The following CPT1A variants were observed in gnomAD, a reference collection of about 807,000 sequenced individuals.
The protein encoded by CPT1A is carnitine O-palmitoyltransferase 1, liver isoform.
A neutral mutation model predicts 100.8 loss-of-function variants in CPT1A; 64 were observed. That is an observed-to-expected ratio of 0.63 (90% CI 0.52 to 0.78). The LOEUF (loss-of-function observed/expected upper bound fraction) is 0.78. CPT1A is among the 30% of genes least tolerant of loss of function. The probability of loss-of-function intolerance (pLI) is 0.00; values close to 1 mark genes in which losing one functional copy is unlikely to be tolerated. For synonymous variants in CPT1A, 363 were observed against 396.0 expected, an observed-to-expected ratio of 0.92 and a Z score of 0.99; for missense variants, 802 against 1,034.1, an observed-to-expected ratio of 0.78 and a Z score of 3.08.
At chr11:68,795,381 G>A (rs1855728707) in intron 7 of CPT1A, among the ~76,000 whole-genome samples, 1 of 152,230 alleles carries the variant, frequency 6.6e-6, no homozygotes, top group Admixed American at 6.5e-5. Context: ...CATTTTGGAA[G>A]AGTCTATGTA....
chr11:68,781,704 A>G, intron 11 of CPT1A, 67 bp downstream of exon 11: 1 of 1,334,028 alleles, frequency 7.5e-7, no homozygotes. Flanking sequence ...GGTGAGTGTC[A>G]GGCACACAGG....
intron 14 of CPT1A, among the ~76,000 whole-genome samples, chr11:68,763,634 G>A (rs1594318643): frequency 6.6e-6 from 1 of 152,262 alleles, no homozygotes; most frequent in East Asian, 1.9e-4. Flanking sequence ...TCTTCCAAAA[G>A]CTCCTGTTTT....
At chr11:68,759,121 C>T (rs757378799) in intron 18 of CPT1A, among the ~76,000 whole-genome samples, 2 of 151,582 alleles carry the variant, frequency 1.3e-5, no homozygotes, top group East Asian at 1.9e-4. Flanking sequence ...AGGCCAGGCG[C>T]GGTGGCTCAT....
intron 2 of CPT1A, among the ~76,000 whole-genome samples, chr11:68,813,396 G>T (rs1856274780): frequency 3.3e-5 from 5 of 151,922 alleles, no homozygotes. Context: ...GCCAGGTGTG[G>T]TGGTGGGCGC....
In CPT1A at chr11:68,834,924, G is replaced by A. The variant is rs147759388; in HGVS notation, c.-14+6851C>T. ...TGAGGCAGGAGAATTGCTTGAACTGGGGAGGCGGAGGTTGCAGTGAGCCAT... is the reference window on the plus strand; with the variant it reads ...TGAGGCAGGAGAATTGCTTGAACTGAGGAGGCGGAGGTTGCAGTGAGCCAT... On this transcript the variant is annotated intron_variant, in intron 1 of 18. Transcript: ENST00000265641. Among the ~76,000 whole-genome samples the A allele has an allele frequency of 8.0e-3, 1,220 of 151,780 alleles. 16 individuals carry two copies. Among genetic ancestry groups the A allele is most frequent in the African/African-American group, 0.028 (1,156 of 41,358 alleles).
intron 7 of CPT1A, 122 bp from the exon 8 acceptor site, chr11:68,795,033 C>A: frequency 1.3e-6 from 1 of 760,666 alleles, no homozygotes. Flanking sequence ...CATACATATT[C>A]GGTTACATCT....
chr11:68,783,001 G>A (rs1381289288), intron 10 of CPT1A, among the ~76,000 whole-genome samples: 1 of 152,152 alleles, frequency 6.6e-6, no homozygotes, highest in African/African-American at 2.4e-5. Context: ...TCCTCCGCTG[G>A]GGATTCCAGG....
At position 68,833,546 on chromosome 11, in the gene CPT1A, CAGGA is replaced by C. The variant is rs575200749; in HGVS notation, c.-14+8225_-14+8228del. ...CCAAGGTGGGCGGATCACCTGAGGC[CAGGA>C]GTTCAAAACCAGCCTGGCCAACATG... On this transcript the variant is annotated intron_variant, in intron 1 of 18. Coordinates refer to ENST00000265641, the MANE Select transcript of CPT1A (RefSeq NM_001876.4). Among the ~76,000 whole-genome samples the C allele has an allele frequency of 3.4e-3, 512 of 152,290 alleles. 1 individual carries two copies. Among genetic ancestry groups the C allele is most frequent in the Non-Finnish European group, 5.5e-3 (375 of 68,018 alleles).
chr11:68,800,490 CAAAAAA>C (rs57450875), intron 5 of CPT1A, among the ~76,000 whole-genome samples: 1 of 78,984 alleles, frequency 1.3e-5, no homozygotes, highest in Non-Finnish European at 2.9e-5. Context: ...CCCATCTCTG[CAAAAAA>C]AAAAAAAAAA....
Position 68,815,524 on chromosome 11 carries a change from G to A in CPT1A, c.-13-37C>T, listed in dbSNP as rs746677926. ...AGGAGAAAATGTAACACAGTGGAAC[G>A]TGTGACCAGACACTAAAAAACCCTC... On this transcript the variant is annotated intron_variant, in intron 1 of 18. Transcript: ENST00000265641. 9.3e-6 allele frequency: 15 copies of A among 1,606,312 alleles called. No individual in the cohort carries two copies. In the Admixed American group the frequency reaches 1.3e-4, roughly 14 times the overall value.
chr11:68,760,863 C>CA (rs1275433551), intron 16 of CPT1A, among the ~76,000 whole-genome samples: 1 of 147,560 alleles, frequency 6.8e-6, no homozygotes. Context: ...AATACAACAA[C>CA]AAAAAAAATT....
chr11:68,782,574 T>TA (rs1855342899), intron 10 of CPT1A, among the ~76,000 whole-genome samples: 1 of 152,160 alleles, frequency 6.6e-6, no homozygotes, highest in African/African-American at 2.4e-5. Flanking sequence ...GTGCCCGTCT[T>TA]ATTTGAATAC....
intron 12 of CPT1A, among the ~76,000 whole-genome samples, chr11:68,777,391 C>T (rs1032639931): frequency 3.6e-4 from 55 of 152,186 alleles, no homozygotes; most frequent in African/African-American, 1.3e-3. Context: ...GATTGCACCA[C>T]TGCCCTCCAG....
intron 9 of CPT1A, 57 bp downstream of exon 9, chr11:68,793,258 G>T: frequency 2.3e-6 from 3 of 1,324,620 alleles, no homozygotes; most frequent in Non-Finnish European, 3.2e-6. Context: ...TCCTAATTCT[G>T]AGCATAGGGA....
At chr11:68,773,058 C>T (rs1270791599) in intron 14 of CPT1A, among the ~76,000 whole-genome samples, 8 of 152,216 alleles carry the variant, frequency 5.3e-5, no homozygotes, top group African/African-American at 1.9e-4. Flanking sequence ...TGGGAATCTA[C>T]GCCTGCTGGA....
intron 11 of CPT1A, 55 bp from the exon 12 acceptor site, chr11:68,780,800 A>C (rs992382312): frequency 1.2e-5 from 16 of 1,309,392 alleles, no homozygotes; most frequent in Non-Finnish European, 1.8e-5. Context: ...AACAATGAGG[A>C]GACATTGCAC....
intron 1 of CPT1A, among the ~76,000 whole-genome samples, chr11:68,819,134 AGCG>A (rs1381344113): frequency 2.6e-5 from 4 of 152,110 alleles, no homozygotes; most frequent in African/African-American, 9.7e-5. Context: ...GCTGGAGTGC[AGCG>A]GCGCCATCTC....
At chr11:68,788,630 TAA>T in intron 9 of CPT1A, among the ~76,000 whole-genome samples, 77 of 27,554 alleles carry the variant, frequency 2.8e-3, no homozygotes, top group African/African-American at 0.01. Flanking sequence ...CAAACAAAAG[TAA>T]AAAAAAAAAA....
intron 5 of CPT1A, among the ~76,000 whole-genome samples, chr11:68,802,665 T>C (rs1010631509): frequency 6.7e-6 from 1 of 149,890 alleles, no homozygotes. Flanking sequence ...ACCCAGGAGG[T>C]GGAGCTTGCA....
Sources: gnomAD v4.1 joint callset for allele counts (sites outside exome capture counted in the v4.1 genomes callset) on GRCh38, gnomAD v4.1.1 for gene constraint, MANE v1.5 for transcripts, NCBI Gene and HGNC (gene_info 2026-07-23, HGNC 2026-07-21) for gene names.